Variants in KCNIP1 observed in about 807,000 individuals in gnomAD.
KCNIP1 encodes the protein potassium voltage-gated channel interacting protein 1, also known as A-type potassium channel modulatory protein KCNIP1.
A neutral mutation model predicts 33.0 loss-of-function variants in KCNIP1; 18 were observed. The ratio of observed to expected loss-of-function variants is 0.55; its 90% CI spans 0.38 to 0.81. The LOEUF is 0.81. KCNIP1 is among the 30% of genes least tolerant of loss of function. The pLI is 0.00. For synonymous variants in KCNIP1, 93 were observed against 98.3 expected (o/e 0.95, Z 0.32); for missense variants, 238 against 271.6 (o/e 0.88, Z 0.87).
intron 4 of KCNIP1, 74 bp downstream of exon 4, chr5:170,721,977 G>T: frequency 6.5e-7 from 1 of 1,548,442 alleles, no homozygotes; most frequent in Non-Finnish European, 8.9e-7. Context: ...TCAAGGCATT[G>T]GGGGAAGGTC....
intron 1 of KCNIP1, among the ~76,000 whole-genome samples, chr5:170,666,989 A>C (rs1040396404): frequency 6.6e-6 from 1 of 152,256 alleles, no homozygotes; most frequent in African/African-American, 2.4e-5. Flanking sequence ...TGCTCAGAGA[A>C]AGGCCTGGTA....
chr5:170,464,676 C>T (rs1756572710), intron 1 of KCNIP1, among the ~76,000 whole-genome samples: 1 of 152,156 alleles, frequency 6.6e-6, no homozygotes, highest in African/African-American at 2.4e-5. Context: ...TGCGGGTCCA[C>T]ATTCAGATCT....
At chr5:170,570,072 G>T (rs1046321221) in intron 1 of KCNIP1, among the ~76,000 whole-genome samples, 1 of 152,146 alleles carries the variant, frequency 6.6e-6, no homozygotes, top group Non-Finnish European at 1.5e-5. Flanking sequence ...GATGCTCTAC[G>T]ATGTCGTACG....
chr5:170,600,583 C>A (rs766452786), intron 1 of KCNIP1, among the ~76,000 whole-genome samples: 5 of 152,174 alleles, frequency 3.3e-5, no homozygotes, highest in Non-Finnish European at 7.3e-5. Flanking sequence ...CAGACCCTCA[C>A]ACCACACTTC....
chr5:170,606,169 C>T (rs1192551366), intron 1 of KCNIP1, among the ~76,000 whole-genome samples: 1 of 152,190 alleles, frequency 6.6e-6, no homozygotes. Flanking sequence ...TGGATTGTCT[C>T]ACATTTTGAC....
In KCNIP1 at chr5:170,439,690, G is replaced by A. The variant is rs78620792; in HGVS notation, c.88+85726G>A. On this transcript the variant is annotated intron_variant, in intron 1 of 7. Transcript: ENST00000377360. ...CCCTCAGCCTCAGTACTCCTGGGTC[G>A]AGCTGCAGGAGCAGGCCTGGCAAGT... 4.5e-3 allele frequency among the ~76,000 whole-genome samples: 684 copies of A among 152,290 alleles called. 2 individuals carry two copies. The highest frequency in any genetic ancestry group is 0.015 in the African/African-American group (637 of 41,558).
At chr5:170,561,454 G>T (rs1757031862) in intron 1 of KCNIP1, among the ~76,000 whole-genome samples, 1 of 152,208 alleles carries the variant, frequency 6.6e-6, no homozygotes, top group Non-Finnish European at 1.5e-5. Context: ...ACCACCAAAG[G>T]CACGTGGAAG....
intron 1 of KCNIP1, among the ~76,000 whole-genome samples, chr5:170,614,735 T>C (rs1044969454): frequency 2.0e-5 from 3 of 152,230 alleles, no homozygotes; most frequent in African/African-American, 7.2e-5. Flanking sequence ...TTGTTTTGTC[T>C]CTTCCCAGAA....
In KCNIP1 at chr5:170,456,709, C is replaced by CTTTCTTTCTTTCTTTCTTTCTTTCTTTCT. The variant is rs1756389063; in HGVS notation, c.88+102763_88+102764insTCTTTCTTTCTTTTCTTTCTTTCTTTCTT. ...TTTCTCTCTCTCTCTCTTTTTCTTT[C>CTTTCTTTCTTTCTTTCTTTCTTTCTTTCT]TTTCTTTCTTTCTTTCTTGTTTCTT... On this transcript the variant is annotated intron_variant, in intron 1 of 7. Transcript: ENST00000377360. 2.7e-5 allele frequency among the ~76,000 whole-genome samples: 4 copies of CTTTCTTTCTTTCTTTCTTTCTTTCTTTCT among 147,318 alleles called. No individual in the cohort carries two copies. The South Asian group carries it at 8.6e-4, about 32-fold the overall frequency.
At chr5:170,370,197 A>T (rs542903538) in intron 1 of KCNIP1, among the ~76,000 whole-genome samples, 2 of 152,294 alleles carry the variant, frequency 1.3e-5, no homozygotes, top group East Asian at 3.9e-4. Flanking sequence ...TAGTTCTCTG[A>T]GCCCAAATCG....
At chr5:170,663,335 C>T (rs1761570736) in intron 1 of KCNIP1, among the ~76,000 whole-genome samples, 1 of 152,106 alleles carries the variant, frequency 6.6e-6, no homozygotes, top group South Asian at 2.1e-4. Flanking sequence ...GTCCCATAGA[C>T]AGAGGCTACT....
intron 1 of KCNIP1, among the ~76,000 whole-genome samples, chr5:170,713,228 C>T (rs1174216636): frequency 6.6e-6 from 1 of 152,208 alleles, no homozygotes; most frequent in Non-Finnish European, 1.5e-5. Context: ...ATCTAATCAA[C>T]ATATACTGAG....
At chr5:170,669,517 T>G in intron 1 of KCNIP1, 1 of 985,242 alleles carries the variant, frequency 1.0e-6, no homozygotes, top group Non-Finnish European at 1.2e-6. Context: ...TAAATTAATT[T>G]GTTGAAAGGA....
intron 1 of KCNIP1, among the ~76,000 whole-genome samples, chr5:170,418,673 TCTC>T (rs1348401400): frequency 6.6e-6 from 1 of 152,082 alleles, no homozygotes; most frequent in Non-Finnish European, 1.5e-5. Flanking sequence ...CAGCCTGAGG[TCTC>T]CTCCTCACCA....
intron 1 of KCNIP1, among the ~76,000 whole-genome samples, chr5:170,538,914 T>A (rs375033527): frequency 2.0e-5 from 3 of 152,028 alleles, no homozygotes; most frequent in Non-Finnish European, 1.5e-5. Flanking sequence ...GCCTTCTTTA[T>A]GAGATTTTCC....
intron 1 of KCNIP1, among the ~76,000 whole-genome samples, chr5:170,546,004 TTGGAGAGTCAGGGTGAAGGCTGATGACC>T (rs1303786673): frequency 6.6e-6 from 1 of 152,242 alleles, no homozygotes; most frequent in African/African-American, 2.4e-5. Flanking sequence ...CTTTCCTCTG[TTGGAGAGTCAGGGTGAAGGCTGATGACC>T]TCAGTCTAGT....
intron 1 of KCNIP1, among the ~76,000 whole-genome samples, chr5:170,701,985 G>A (rs902466611): frequency 3.9e-5 from 6 of 152,030 alleles, no homozygotes; most frequent in Non-Finnish European, 5.9e-5. Context: ...CTAAAACAGC[G>A]CCTCCCGAAA....
chr5:170,662,122 T>A (rs1310359309), intron 1 of KCNIP1, among the ~76,000 whole-genome samples: 1 of 152,188 alleles, frequency 6.6e-6, no homozygotes, highest in Non-Finnish European at 1.5e-5. Context: ...CCAATCCAGG[T>A]ATTGCAGGAA....
chr5:170,732,851 T>C lies in KCNIP1; in HGVS notation c.487T>C (p.Tyr163His), dbSNP rs1764251909. The change falls in exon 6 of 8, where the codon TAT (tyrosine) becomes CAT (histidine). Residue 163 changes from tyrosine to histidine, a missense_variant. By Grantham distance (83) the Tyr-to-His change is moderately conservative. Transcript: ENST00000328939. The part of the protein sequence containing the change: ...AIYDMMGKYT[Y>H]PVLKEDTPRQ... ...CTATGACATGATGGGGAAATACACA[T>C]ATCCTGTGCTCAAAGAGGACACTCC... 6.2e-6 allele frequency: 10 copies of C among 1,613,892 alleles called. No homozygotes were observed. Among genetic ancestry groups the C allele is most frequent in the Non-Finnish European group, 8.5e-6 (10 of 1,179,872 alleles).
Sources: gnomAD v4.1 joint callset for allele counts (sites outside exome capture counted in the v4.1 genomes callset) on GRCh38, gnomAD v4.1.1 for gene constraint, MANE v1.5 for transcripts, NCBI Gene and HGNC (gene_info 2026-07-23, HGNC 2026-07-21) for gene names.